Variants in SPTLC3 observed in about 807,000 individuals in gnomAD.
SPTLC3 encodes the protein serine palmitoyltransferase 3.
In SPTLC3, 36 loss-of-function variants were observed where a neutral mutation model predicts 59.3. The observed-to-expected ratio is 0.61, with a 90% CI of 0.47 to 0.80. SPTLC3 has a LOEUF of 0.80. SPTLC3 is among the 30% of genes least tolerant of loss of function. The probability of loss-of-function intolerance (pLI) is 0.00; values close to 1 mark genes in which losing one functional copy is unlikely to be tolerated. For synonymous variants in SPTLC3, 257 were observed against 240.8 expected, an observed-to-expected ratio of 1.07 and a Z score of -0.62; for missense variants, 625 against 685.1, an observed-to-expected ratio of 0.91 and a Z score of 0.98.
intron 9 of SPTLC3, among the ~76,000 whole-genome samples, chr20:13,134,929 C>A (rs2038208704): frequency 6.6e-6 from 1 of 152,212 alleles, no homozygotes; most frequent in African/African-American, 2.4e-5. Context: ...GTCCTTCAGT[C>A]CCCATGACCA....
chr20:13,085,818 A>G (rs1400888002), intron 4 of SPTLC3, among the ~76,000 whole-genome samples: 2 of 152,196 alleles, frequency 1.3e-5, no homozygotes, highest in African/African-American at 4.8e-5. Context: ...ATGGCAGCAA[A>G]TGTGGCACTT....
rs765239129 is a variant in SPTLC3 at position 13,009,335 on chromosome 20, G to A, written c.68G>A (p.Gly23Asp). ...CACAATCACAAGAAACAGAGCAATGGCTCACAAAGCAGAAACTGCACAAAG... is the reference window on the plus strand; with the variant it reads ...CACAATCACAAGAAACAGAGCAATGACTCACAAAGCAGAAACTGCACAAAG... Reference protein sequence around the residue: ...KLHNHKKQSNGSQSRNCTKNG... With the variant: ...KLHNHKKQSNDSQSRNCTKNG... Residue 23 changes from glycine (G) to aspartate (D), a missense_variant, in exon 1 of 12, where the codon GGC (glycine) becomes GAC (aspartate). Transcript: ENST00000399002. 2 of 1,614,062 alleles carry A rather than the reference G, an allele frequency of 1.2e-6. No individual in the cohort carries two copies. Among genetic ancestry groups the A allele is most frequent in the Non-Finnish European group, 1.7e-6 (2 of 1,179,972 alleles).
intron 5 of SPTLC3, among the ~76,000 whole-genome samples, chr20:13,092,548 T>C (rs1363148110): frequency 6.6e-6 from 1 of 152,224 alleles, no homozygotes; most frequent in Non-Finnish European, 1.5e-5. Flanking sequence ...GTAGAAGCAT[T>C]GAACTTCTTG....
chr20:13,155,090 A>C (rs2038736907), intron 10 of SPTLC3, among the ~76,000 whole-genome samples: 2 of 151,916 alleles, frequency 1.3e-5, no homozygotes, highest in African/African-American at 4.8e-5. Context: ...CCGAGGCAGG[A>C]GGATCACTTG....
chr20:13,065,145 A>T (rs2749393), intron 2 of SPTLC3, among the ~76,000 whole-genome samples: 62,105 of 151,766 alleles, frequency 0.41, 12,807 homozygotes, highest in Middle Eastern at 0.56. Flanking sequence ...TTGGGGTTTG[A>T]TATTACAATA....
At chr20:13,110,262 C>G in intron 7 of SPTLC3, 45 bp downstream of exon 7, 1 of 1,530,502 alleles carries the variant, frequency 6.5e-7, no homozygotes, top group Non-Finnish European at 9.0e-7. Flanking sequence ...AGGCCTGCAG[C>G]AAGCTGACCA....
intron 7 of SPTLC3, among the ~76,000 whole-genome samples, chr20:13,113,339 A>G (rs1206916354): frequency 1.3e-5 from 2 of 152,280 alleles, no homozygotes; most frequent in Non-Finnish European, 2.9e-5. Context: ...TTGAATTTTA[A>G]CTTCCAGATT....
chr20:13,080,511 C>CAAAAAA (rs3039608), intron 4 of SPTLC3, among the ~76,000 whole-genome samples: 2 of 122,880 alleles, frequency 1.6e-5, no homozygotes, highest in Non-Finnish European at 1.6e-5. Context: ...CATCCATCTC[C>CAAAAAA]AAAAAAAAAA....
chr20:13,160,181 C>G, intron 11 of SPTLC3, 49 bp downstream of exon 11: 1 of 1,548,628 alleles, frequency 6.5e-7, no homozygotes, highest in Non-Finnish European at 8.8e-7. Flanking sequence ...ACCTTGGATT[C>G]AAAGCAAGTC....
rs149004046 is a variant in SPTLC3, at chr20:13,024,542, T to A, written c.117+15158T>A. ...GTTTTTTTTCTTTTGAGGTAAAATT[T>A]ACATACAATGGAATGCACAAATCTG... On this transcript the variant is annotated intron_variant, in intron 1 of 11. Transcript: ENST00000399002. Among the ~76,000 whole-genome samples, 429 of 152,322 alleles carry A rather than the reference T, an allele frequency of 2.8e-3. 4 individuals are homozygous for A. Among genetic ancestry groups the A allele is most frequent in the African/African-American group, 9.9e-3 (413 of 41,574 alleles).
intron 8 of SPTLC3, among the ~76,000 whole-genome samples, chr20:13,123,330 A>T (rs887313690): frequency 3.5e-5 from 3 of 86,728 alleles, no homozygotes. Context: ...GACTCTGTCT[A>T]AAAAAAAAAA....
In SPTLC3 at chr20:13,009,146, G is replaced by T; in HGVS notation, c.-122G>T. 2 of 720,624 alleles carry T rather than the reference G, an allele frequency of 2.8e-6. No homozygotes were observed. Among genetic ancestry groups the T allele is most frequent in the Admixed American group, 2.4e-5 (1 of 41,896 alleles). The allele number at this position is 720,624 out of a possible 1,614,324, so 44.6% of individuals were successfully genotyped here. A position where few individuals can be genotyped will look rare whatever the true frequency, so the allele number is the denominator to read the frequency against. Reference sequence around the variant, plus strand: ...GCTCTTCTTCTGGAAAAGCCTGATTGGTAAGATTCCTTTAAGGGCTCAGCC... The same window carrying T: ...GCTCTTCTTCTGGAAAAGCCTGATTTGTAAGATTCCTTTAAGGGCTCAGCC... On this transcript the variant is annotated 5_prime_UTR_variant, in exon 1 of 12. Transcript: ENST00000399002.
In SPTLC3 at chr20:13,117,610, C is replaced by T. The variant is rs1322795753; in HGVS notation, c.1037C>T (p.Pro346Leu). ...GCTCACAGTATTGGGGCCGTGGGCCCAACCGGCCGGGGTGTCACGGAGTTC... is the reference window on the plus strand; with the variant it reads ...GCTCACAGTATTGGGGCCGTGGGCCTAACCGGCCGGGGTGTCACGGAGTTC... Reference protein sequence around the residue: ...DEAHSIGAVGPTGRGVTEFFG... With the variant: ...DEAHSIGAVGLTGRGVTEFFG... Residue 346 changes from proline (P) to leucine (L), a missense_variant, in exon 8 of 12, where the codon CCA becomes CTA. Pro to Leu is a moderately conservative substitution (Grantham distance 98). Transcript: ENST00000399002. 3 of 1,613,060 alleles carry T rather than the reference C, an allele frequency of 1.9e-6. No individual in the cohort carries two copies. Among genetic ancestry groups the T allele is most frequent in the Non-Finnish European group, 2.5e-6 (3 of 1,179,214 alleles).
chr20:13,117,067 A>G (rs78140746), intron 7 of SPTLC3, among the ~76,000 whole-genome samples: 2,242 of 152,320 alleles, frequency 0.015, 21 homozygotes, highest in Non-Finnish European at 0.023. Flanking sequence ...CTTTTAATCT[A>G]TGGCAATTCA....
At chr20:13,117,356 A>G in intron 7 of SPTLC3, 150 bp from the exon 8 acceptor site, 1 of 661,814 alleles carries the variant, frequency 1.5e-6, no homozygotes, top group Non-Finnish European at 2.4e-6. Context: ...TACAAGATTG[A>G]AAGGGTTGTC....
intron 1 of SPTLC3, among the ~76,000 whole-genome samples, chr20:13,027,704 A>C (rs551309653): frequency 4.6e-5 from 7 of 151,828 alleles, no homozygotes; most frequent in Non-Finnish European, 1.0e-4. Flanking sequence ...TTTAGTTATT[A>C]AACTGCCCAG....
chr20:13,124,782 G>A (rs1009748924), intron 8 of SPTLC3, among the ~76,000 whole-genome samples: 1 of 152,188 alleles, frequency 6.6e-6, no homozygotes, highest in African/African-American at 2.4e-5. Context: ...ACATACCTAA[G>A]AGAGATGGAA....
At chr20:13,068,960 A>C (rs1023802031) in intron 2 of SPTLC3, among the ~76,000 whole-genome samples, 1 of 152,172 alleles carries the variant, frequency 6.6e-6, no homozygotes, top group African/African-American at 2.4e-5. Context: ...ACATAGGTAC[A>C]AATTCTGAAT....
At chr20:13,073,045 CTT>C (rs1036086433) in intron 3 of SPTLC3, among the ~76,000 whole-genome samples, 4 of 152,084 alleles carry the variant, frequency 2.6e-5, no homozygotes, top group African/African-American at 9.7e-5. Context: ...AAATATTTGT[CTT>C]TTTTTATGCC....
Sources: allele counts gnomAD v4.1 joint callset (sites outside exome capture counted in the v4.1 genomes callset), GRCh38; gene constraint gnomAD v4.1.1; transcripts MANE v1.5; gene names NCBI Gene and HGNC (gene_info 2026-07-23, HGNC 2026-07-21).